CUX1: variants seen among roughly 807,000 people sequenced by gnomAD.
The protein encoded by CUX1 is cut like homeobox 1, also known as protein CASP.
A neutral mutation model predicts 158.8 loss-of-function variants in CUX1; 31 were observed. The ratio of observed to expected loss-of-function variants is 0.20; its 90% CI spans 0.15 to 0.26. CUX1 has a LOEUF of 0.26. Ranked by LOEUF, CUX1 falls within the 10% of genes least tolerant of loss-of-function variation. The pLI, the probability that CUX1 is intolerant of heterozygous loss-of-function variation, is 1.00. For missense variants in CUX1, 1,589 were observed against 2,014.6 expected, an observed-to-expected ratio of 0.79 and a Z score of 4.04; for synonymous variants, 879 against 862.1, an observed-to-expected ratio of 1.02 and a Z score of -0.34.
chr7:102,074,208 A>C lies in CUX1; in HGVS notation c.268+3791A>C, dbSNP rs866151835. ...CAGGCCTTAATCCAGTGGAATCCAG[A>C]AACATTAGTAGGGTGCAGTAAGTTC... On this transcript the variant is annotated intron_variant, in intron 4 of 23. Coordinates refer to ENST00000292535, the MANE Select transcript of CUX1 (RefSeq NM_181552.4). Among the ~76,000 whole-genome samples, 4 of 152,204 alleles carry C rather than the reference A, an allele frequency of 2.6e-5. No homozygotes were observed. The South Asian group carries it at 8.3e-4, about 32-fold the overall frequency.
chr7:102,066,111 C>T (rs891003147), intron 3 of CUX1, among the ~76,000 whole-genome samples: 5 of 152,054 alleles, frequency 3.3e-5, no homozygotes, highest in African/African-American at 7.2e-5. Context: ...TTTAAAACCC[C>T]GATGTCCACG....
At chr7:101,888,116 C>T (rs961878677) in intron 1 of CUX1, among the ~76,000 whole-genome samples, 6 of 152,038 alleles carry the variant, frequency 3.9e-5, no homozygotes, top group Non-Finnish European at 7.4e-5. Flanking sequence ...GGGGGATCAC[C>T]TGAGGTCAGA....
intron 3 of CUX1, among the ~76,000 whole-genome samples, chr7:102,058,481 C>T (rs868735688): frequency 2.6e-5 from 4 of 151,716 alleles, no homozygotes; most frequent in Non-Finnish European, 4.4e-5. Context: ...CAGGGTTTCA[C>T]GATGGTGGCC....
chr7:102,234,027 T>C, intron 21 of CUX1, 25 bp from the exon 22 acceptor site: 1 of 1,441,914 alleles, frequency 6.9e-7, no homozygotes, highest in East Asian at 2.7e-5. Context: ...TGACAATACC[T>C]GTCTTGCTTC....
intron 2 of CUX1, among the ~76,000 whole-genome samples, chr7:101,977,563 G>A (rs1372403837): frequency 6.6e-6 from 1 of 152,108 alleles, no homozygotes; most frequent in Non-Finnish European, 1.5e-5. Context: ...AATGGTTTGA[G>A]CCCAAGAGAT....
chr7:102,280,935 C>G, intron 20 of CUX1: 3 of 1,435,192 alleles, frequency 2.1e-6, no homozygotes, highest in Non-Finnish European at 1.9e-6. Context: ...TTCACCTGCC[C>G]TGCAGCCCAG....
At chr7:101,860,317 G>A (rs1449233235) in intron 1 of CUX1, among the ~76,000 whole-genome samples, 2 of 152,132 alleles carry the variant, frequency 1.3e-5, no homozygotes, top group East Asian at 3.9e-4. Context: ...TTTCATCTCC[G>A]CCCCTGCCTA....
At position 102,250,750 on chromosome 7, in the gene CUX1, A is replaced by G; in HGVS notation, c.*1708A>G. On this transcript the variant is annotated 3_prime_UTR_variant, in exon 24 of 24. Coordinates refer to ENST00000292535, the MANE Select transcript of CUX1 (RefSeq NM_181552.4). ...TCTGATTCCTCCCTTGTCTATGTGT[A>G]TATGCGTGAGAATAGAGGCGGGTGA... The G allele has an allele frequency of 1.0e-6, 1 of 985,412 alleles. No individual in the cohort carries two copies. The highest frequency in any genetic ancestry group is 1.2e-6 in the Non-Finnish European group (1 of 829,946). 61.0% of individuals were successfully genotyped at this position (985,412 alleles called of 1,614,324 possible).
chr7:102,177,966 C>T (rs1176369765), intron 10 of CUX1, among the ~76,000 whole-genome samples: 1 of 152,146 alleles, frequency 6.6e-6, no homozygotes, highest in East Asian at 1.9e-4. Context: ...AATCTCAGCT[C>T]AGCGCAACCT....
rs1324198655 is a variant in CUX1 at position 102,082,356 on chromosome 7, G to A, written c.268+11939G>A. ...AGCCTGGCCAACATGGTGAAACCCCGTCTCTACTAAAAATACAAAAATTAG... is the reference window on the plus strand; with the variant it reads ...AGCCTGGCCAACATGGTGAAACCCCATCTCTACTAAAAATACAAAAATTAG... On this transcript the variant is annotated intron_variant, in intron 4 of 23. Transcript: ENST00000292535. Among the ~76,000 whole-genome samples the A allele has an allele frequency of 8.9e-5, 13 of 146,208 alleles. 3 individuals carry two copies. Among genetic ancestry groups the A allele is most frequent in the East Asian group, 7.8e-4 (4 of 5,158 alleles).
intron 2 of CUX1, among the ~76,000 whole-genome samples, chr7:101,934,486 G>A (rs1806685243): frequency 2.0e-5 from 3 of 152,170 alleles, no homozygotes; most frequent in Admixed American, 6.5e-5. Flanking sequence ...TGAGGTGGAG[G>A]AATTATTGTT....
At chr7:101,994,498 G>A (rs1473611198) in intron 2 of CUX1, among the ~76,000 whole-genome samples, 1 of 152,226 alleles carries the variant, frequency 6.6e-6, no homozygotes, top group Non-Finnish European at 1.5e-5. Flanking sequence ...CTACTCGGGA[G>A]GCTGAGGCAG....
At chr7:102,015,972 G>A (rs568820049) in intron 2 of CUX1, among the ~76,000 whole-genome samples, 2 of 151,402 alleles carry the variant, frequency 1.3e-5, no homozygotes, top group African/African-American at 4.9e-5. Context: ...GCCACTACAC[G>A]TGGCTACTTT....
chr7:102,250,383 C>T lies in CUX1; in HGVS notation c.*1341C>T, dbSNP rs1554539550. The T allele has an allele frequency of 5.1e-6, 5 of 985,580 alleles. No homozygotes were observed. Among genetic ancestry groups the T allele is most frequent in the African/African-American group, 1.7e-5 (1 of 57,370 alleles). 61.1% of individuals were successfully genotyped at this position (985,580 alleles called of 1,614,324 possible). On this transcript the variant is annotated 3_prime_UTR_variant, in exon 24 of 24. Transcript: ENST00000292535. ...AGAAGGCACCTCACCTCACACCACT[C>T]TCCTGGATACCTGATGAACTGAGCC...
chr7:101,996,571 A>G (rs1035131387), intron 2 of CUX1, among the ~76,000 whole-genome samples: 9 of 151,676 alleles, frequency 5.9e-5, no homozygotes, highest in African/African-American at 2.2e-4. Flanking sequence ...CAAGGGAGAA[A>G]ATGAATTCAT....
At chr7:102,073,695 A>C (rs1224865352) in intron 4 of CUX1, among the ~76,000 whole-genome samples, 1 of 152,154 alleles carries the variant, frequency 6.6e-6, no homozygotes, top group African/African-American at 2.4e-5. Flanking sequence ...TACATGTACA[A>C]ATTTTATAGA....
chr7:102,024,420 C>T (rs954375508), intron 2 of CUX1, among the ~76,000 whole-genome samples: 3 of 152,110 alleles, frequency 2.0e-5, no homozygotes, highest in South Asian at 2.1e-4. Flanking sequence ...TCTGCCTCCG[C>T]GGTTTAAGCG....
At chr7:102,202,296 T>G in intron 18 of CUX1, 92 bp downstream of exon 18, 5 of 1,489,738 alleles carry the variant, frequency 3.4e-6, no homozygotes, top group Non-Finnish European at 4.5e-6. Context: ...CCCTCACCCA[T>G]TTCAATTCAC....
intron 4 of CUX1, among the ~76,000 whole-genome samples, chr7:102,095,848 G>A (rs1011074978): frequency 2.0e-5 from 3 of 152,136 alleles, no homozygotes; most frequent in South Asian, 2.1e-4. Context: ...CCACTCTGAC[G>A]GAGCCTGAGA....
Sources: allele counts gnomAD v4.1 joint callset (sites outside exome capture counted in the v4.1 genomes callset), GRCh38; gene constraint gnomAD v4.1.1; transcripts MANE v1.5; gene names NCBI Gene and HGNC (gene_info 2026-07-23, HGNC 2026-07-21).